The following FGF14 variants were observed in gnomAD, a reference collection of about 807,000 sequenced individuals.
FGF14 encodes fibroblast growth factor homologous factor 4.
A neutral mutation model predicts 25.5 loss-of-function variants in FGF14; 5 were observed. That is an observed-to-expected ratio of 0.20 (90% CI 0.10 to 0.41). The LOEUF (loss-of-function observed/expected upper bound fraction) is 0.41, where lower values mean the gene tolerates loss of function less well. FGF14 is among the 10% of genes least tolerant of loss of function. The pLI, the probability that FGF14 is intolerant of heterozygous loss-of-function variation, is 1.00. For synonymous variants in FGF14, 138 were observed against 118.3 expected (o/e 1.17, Z -1.08); for missense variants, 222 against 320.1 (o/e 0.69, Z 2.34).
chr13:101,741,582 C>T (rs2036560007), intron 3 of FGF14, among the ~76,000 whole-genome samples: 1 of 148,168 alleles, frequency 6.7e-6, no homozygotes, highest in Non-Finnish European at 1.5e-5. Flanking sequence ...CCACCATTTA[C>T]AAATTCATCT....
At chr13:102,391,763 C>T (rs1427122109) in intron 1 of FGF14, among the ~76,000 whole-genome samples, 3 of 152,048 alleles carry the variant, frequency 2.0e-5, no homozygotes, top group Non-Finnish European at 2.9e-5. Flanking sequence ...TCAATTTGTC[C>T]CAACAATAAA....
At position 101,916,697 on chromosome 13, in the gene FGF14, C is replaced by T. The variant is rs917971127; in HGVS notation, c.-52G>A. On this transcript the variant is annotated 5_prime_UTR_variant, in exon 1 of 5. Transcript: ENST00000376143. ...GGGAGGGCGCGGGAGGACGGCGAGC[C>T]GGGGGCACCGGAGGGGAAGGCGGCG... The T allele has an allele frequency of 4.2e-6, 6 of 1,425,974 alleles. No homozygotes were observed. Among genetic ancestry groups the T allele is most frequent in the African/African-American group, 2.9e-5 (2 of 69,206 alleles). 88.3% of individuals were successfully genotyped at this position (1,425,974 alleles called of 1,614,324 possible).
chr13:102,187,528 GT>G (rs2048925516), intron 1 of FGF14, among the ~76,000 whole-genome samples: 1 of 152,184 alleles, frequency 6.6e-6, no homozygotes, highest in Admixed American at 6.5e-5. Context: ...GCCTCTAAGG[GT>G]TGGGAGCTCT....
At chr13:102,360,936 C>T (rs2057547624) in intron 1 of FGF14, among the ~76,000 whole-genome samples, 1 of 151,900 alleles carries the variant, frequency 6.6e-6, no homozygotes, top group African/African-American at 2.4e-5. Context: ...CCATAAATTA[C>T]AAAGCAAAGA....
At chr13:102,291,355 A>T (rs1320809188) in intron 1 of FGF14, among the ~76,000 whole-genome samples, 1 of 152,172 alleles carries the variant, frequency 6.6e-6, no homozygotes, top group Non-Finnish European at 1.5e-5. Context: ...TTCAGATTAG[A>T]GAAACTGTAT....
At chr13:102,216,134 C>T (rs750319117) in intron 1 of FGF14, among the ~76,000 whole-genome samples, 15 of 152,182 alleles carry the variant, frequency 9.9e-5, no homozygotes, top group Non-Finnish European at 1.8e-4. Context: ...GGATTCGCAT[C>T]GCTGGGATGT....
At chr13:101,976,194 T>C (rs1206427695) in intron 1 of FGF14, among the ~76,000 whole-genome samples, 2 of 152,156 alleles carry the variant, frequency 1.3e-5, no homozygotes, top group African/African-American at 4.8e-5. Context: ...AGTCCCAAAA[T>C]AGTATAATCC....
chr13:101,778,412 C>A (rs1367965339), intron 3 of FGF14, among the ~76,000 whole-genome samples: 4 of 152,196 alleles, frequency 2.6e-5, no homozygotes, highest in African/African-American at 9.6e-5. Flanking sequence ...CCTATTGAAG[C>A]AAGCCTAAAC....
chr13:101,861,027 A>G (rs2044389513), intron 3 of FGF14, among the ~76,000 whole-genome samples: 1 of 152,156 alleles, frequency 6.6e-6, no homozygotes, highest in Admixed American at 6.6e-5. Flanking sequence ...CTTATGAATC[A>G]AAATATGTGA....
At chr13:102,110,521 C>G (rs1251179063) in intron 1 of FGF14, among the ~76,000 whole-genome samples, 1 of 152,190 alleles carries the variant, frequency 6.6e-6, no homozygotes, top group East Asian at 1.9e-4. Context: ...CAGGATTTGT[C>G]TGTGGCTGCT....
intron 1 of FGF14, among the ~76,000 whole-genome samples, chr13:102,351,981 A>G (rs1035627339): frequency 1.3e-5 from 2 of 152,216 alleles, no homozygotes; most frequent in Non-Finnish European, 2.9e-5. Context: ...TCAAACAACC[A>G]CAGTAAGCAG....
At chr13:102,203,115 T>C (rs775474798) in intron 1 of FGF14, among the ~76,000 whole-genome samples, 50 of 146,934 alleles carry the variant, frequency 3.4e-4, no homozygotes, top group Non-Finnish European at 7.1e-4. Context: ...GGGCAAATTC[T>C]ACTCCAGTTC....
At chr13:102,326,062 A>G (rs984207147) in intron 1 of FGF14, among the ~76,000 whole-genome samples, 10 of 152,210 alleles carry the variant, frequency 6.6e-5, no homozygotes, top group Non-Finnish European at 1.3e-4. Context: ...TTACTTGTAG[A>G]ATTGAAATGT....
intron 1 of FGF14, among the ~76,000 whole-genome samples, chr13:102,062,995 G>A (rs946531699): frequency 6.6e-6 from 1 of 152,146 alleles, no homozygotes; most frequent in African/African-American, 2.4e-5. Flanking sequence ...AAGAATTTGG[G>A]AAATTTGCTT....
intron 1 of FGF14, among the ~76,000 whole-genome samples, chr13:101,998,330 G>A (rs2039299124): frequency 6.6e-6 from 1 of 151,820 alleles, no homozygotes; most frequent in Non-Finnish European, 1.5e-5. Flanking sequence ...GTTTTCTCTT[G>A]GGCCCTTTTT....
At chr13:101,997,474 T>C (rs973058548) in intron 1 of FGF14, among the ~76,000 whole-genome samples, 2 of 152,200 alleles carry the variant, frequency 1.3e-5, no homozygotes, top group African/African-American at 4.8e-5. Context: ...ATTTTACAGA[T>C]TTTAGGCATT....
chr13:102,156,685 A>C (rs1316295532), intron 1 of FGF14, among the ~76,000 whole-genome samples: 1 of 152,202 alleles, frequency 6.6e-6, no homozygotes, highest in African/African-American at 2.4e-5. Context: ...AGAAGGAAAT[A>C]AATGGTATTC....
At chr13:102,024,544 T>A (rs1441348906) in intron 1 of FGF14, among the ~76,000 whole-genome samples, 1 of 152,068 alleles carries the variant, frequency 6.6e-6, no homozygotes, top group Non-Finnish European at 1.5e-5. Context: ...TGTAAATATT[T>A]CCTTCCATAA....
chr13:102,345,062 C>T (rs1463080010), intron 1 of FGF14, among the ~76,000 whole-genome samples: 1 of 152,180 alleles, frequency 6.6e-6, no homozygotes, highest in Non-Finnish European at 1.5e-5. Flanking sequence ...AATACAACCT[C>T]TGGTTTATGG....
Sources: gnomAD v4.1 joint callset for allele counts (sites outside exome capture counted in the v4.1 genomes callset) on GRCh38, gnomAD v4.1.1 for gene constraint, MANE v1.5 for transcripts, NCBI Gene and HGNC (gene_info 2026-07-23, HGNC 2026-07-21) for gene names.